The following HOOK3 variants were observed in gnomAD, a reference collection of about 807,000 sequenced individuals.
HOOK3 encodes the protein hook microtubule tethering protein 3, also known as protein Hook homolog 3.
A neutral mutation model predicts 116.3 loss-of-function variants in HOOK3; 24 were observed. The ratio of observed to expected loss-of-function variants is 0.21; its 90% CI spans 0.15 to 0.29. The LOEUF (loss-of-function observed/expected upper bound fraction) is 0.29, where lower values mean the gene tolerates loss of function less well. Ranked by LOEUF, HOOK3 falls within the 10% of genes least tolerant of loss-of-function variation. HOOK3 has a pLI of 1.00. For missense variants in HOOK3, 632 were observed against 830.2 expected (o/e 0.76, Z 2.93); for synonymous variants, 275 against 283.0 (o/e 0.97, Z 0.28).
chr8:42,976,988 T>A (rs6996034), intron 13 of HOOK3, among the ~76,000 whole-genome samples: 19,733 of 152,202 alleles, frequency 0.13, 1,758 homozygotes, highest in African/African-American at 0.25. Context: ...TCTGGGGACA[T>A]GGCTCAGAAA....
chr8:42,905,325 T>TTGGGGGG (rs746035645), intron 1 of HOOK3, among the ~76,000 whole-genome samples: 1 of 99,112 alleles, frequency 1.0e-5, no homozygotes, highest in African/African-American at 4.7e-5. Flanking sequence ...TTTCTTTTTT[T>TTGGGGGG]GGGGGGGGGG....
At chr8:42,904,421 T>C (rs1807261519) in intron 1 of HOOK3, among the ~76,000 whole-genome samples, 1 of 151,402 alleles carries the variant, frequency 6.6e-6, no homozygotes, top group Non-Finnish European at 1.5e-5. Flanking sequence ...GCGATTCTCC[T>C]GCATCAGCCT....
rs139036703 is a variant in HOOK3, at chr8:43,030,483, T to C, written c.*11985T>C. Reference sequence around the variant, plus strand: ...TCAAGTACAAAAATGTTTTCAAGGCTGCAAAAAGTGTACAGTTGTTAAACA... The same window carrying C: ...TCAAGTACAAAAATGTTTTCAAGGCCGCAAAAAGTGTACAGTTGTTAAACA... On this transcript the variant is annotated 3_prime_UTR_variant, in exon 22 of 22. Transcript: ENST00000307602. 6.9e-4 allele frequency: 122 copies of C among 175,728 alleles called. No individual in the cohort carries two copies. Among genetic ancestry groups the C allele is most frequent in the African/African-American group, 2.5e-3 (104 of 42,334 alleles). The allele number at this position is 175,728 out of a possible 1,614,324, so 10.9% of individuals were successfully genotyped here.
chr8:42,954,212 C>T (rs190282982), intron 6 of HOOK3, among the ~76,000 whole-genome samples: 131 of 152,260 alleles, frequency 8.6e-4, no homozygotes, highest in Non-Finnish European at 1.6e-3. Context: ...AACAAATAAA[C>T]TTGCTTAATG....
chr8:43,026,698 C>T lies in HOOK3; in HGVS notation c.*8200C>T, dbSNP rs1029908019. The T allele has an allele frequency of 1.8e-5, 4 of 222,290 alleles. No individual in the cohort carries two copies. Among genetic ancestry groups the T allele is most frequent in the Non-Finnish European group, 2.7e-5 (3 of 111,130 alleles). The allele number at this position is 222,290 out of a possible 1,614,324, so 13.8% of individuals were successfully genotyped here. On this transcript the variant is annotated 3_prime_UTR_variant, in exon 22 of 22. Transcript: ENST00000307602. ...CAGATTGCCCCTAACTTCAGCAGTGCCTCCGTCACTGCATGTACCTAAAAG... is the reference window on the plus strand; with the variant it reads ...CAGATTGCCCCTAACTTCAGCAGTGTCTCCGTCACTGCATGTACCTAAAAG...
intron 9 of HOOK3, among the ~76,000 whole-genome samples, chr8:42,964,827 A>G (rs1808602212): frequency 1.4e-5 from 2 of 144,204 alleles, no homozygotes; most frequent in Admixed American, 6.9e-5. Context: ...ACTTTGTCTC[A>G]AAAAAAAAAA....
intron 13 of HOOK3, among the ~76,000 whole-genome samples, chr8:42,980,008 G>A (rs577007360): frequency 5.6e-5 from 8 of 144,014 alleles, no homozygotes; most frequent in African/African-American, 1.5e-4. Context: ...TTTTTGCCCA[G>A]GCTGGAGCGC....
chr8:42,948,509 CT>C (rs1217258701), intron 5 of HOOK3, among the ~76,000 whole-genome samples: 1 of 152,154 alleles, frequency 6.6e-6, no homozygotes, highest in African/African-American at 2.4e-5. Flanking sequence ...AACGCTTCCC[CT>C]CTCACACCTA....
At chr8:42,906,340 T>TA (rs1807310702) in intron 2 of HOOK3, 82 bp downstream of exon 2, 3 of 971,086 alleles carry the variant, frequency 3.1e-6, no homozygotes, top group Non-Finnish European at 4.9e-6. Flanking sequence ...AAAAAGTACT[T>TA]ACATGAAACG....
chr8:42,909,427 T>C (rs1192200599), intron 2 of HOOK3, among the ~76,000 whole-genome samples: 1 of 152,232 alleles, frequency 6.6e-6, no homozygotes, highest in Non-Finnish European at 1.5e-5. Flanking sequence ...ATGAGAAAGA[T>C]GTGGTGTATA....
intron 2 of HOOK3, among the ~76,000 whole-genome samples, chr8:42,919,227 G>GAT: frequency 6.6e-6 from 1 of 150,786 alleles, no homozygotes; most frequent in East Asian, 2.0e-4. Context: ...CTTCACAGAC[G>GAT]GGGCGGCTTC....
intron 1 of HOOK3, among the ~76,000 whole-genome samples, chr8:42,899,171 T>C (rs1272705426): frequency 6.6e-6 from 1 of 152,222 alleles, no homozygotes; most frequent in East Asian, 1.9e-4. Flanking sequence ...GATAAAAATA[T>C]ACAGGAGAAA....
intron 2 of HOOK3, among the ~76,000 whole-genome samples, chr8:42,910,115 G>A (rs1807393748): frequency 6.6e-6 from 1 of 152,080 alleles, no homozygotes. Context: ...TTGAGGCAAT[G>A]GATACTAATT....
At chr8:42,951,708 C>T (rs941063563) in intron 6 of HOOK3, among the ~76,000 whole-genome samples, 15 of 151,906 alleles carry the variant, frequency 9.9e-5, no homozygotes, top group African/African-American at 3.6e-4. Context: ...TTTGGGAGGC[C>T]GAGGCAGGCG....
rs1809459279 is a variant in HOOK3 at position 43,005,214 on chromosome 8, A to AATT, written c.1656-2633_1656-2632insATT. Among the ~76,000 whole-genome samples, 240 of 63,204 alleles carry AATT rather than the reference A, an allele frequency of 3.8e-3. 6 individuals carry two copies. Among genetic ancestry groups the AATT allele is most frequent in the African/African-American group, 0.015 (225 of 15,134 alleles). The allele number at this position is 63,204 out of a possible 152,430, so 41.5% of individuals were successfully genotyped here. A position where few individuals can be genotyped will look rare whatever the true frequency, so the allele number is the denominator to read the frequency against. On this transcript the variant is annotated intron_variant, in intron 17 of 21. Transcript: ENST00000307602. ...CTCTCTCTCTCTATATATATATATA[A>AATT]TTTTTTTTTTTTTTTTTTTTTTTTG...
At chr8:42,923,832 C>G (rs1563292060) in intron 2 of HOOK3, among the ~76,000 whole-genome samples, 1 of 152,022 alleles carries the variant, frequency 6.6e-6, no homozygotes, top group Non-Finnish European at 1.5e-5. Context: ...AAAGCTGTTT[C>G]TAAAAGTAAA....
chr8:42,924,008 C>T (rs1202394738), intron 2 of HOOK3, among the ~76,000 whole-genome samples: 1 of 151,934 alleles, frequency 6.6e-6, no homozygotes, highest in African/African-American at 2.4e-5. Flanking sequence ...TATCATGTTG[C>T]TTCATTTTAA....
intron 6 of HOOK3, among the ~76,000 whole-genome samples, chr8:42,955,335 T>A (rs1323451884): frequency 6.6e-6 from 1 of 152,216 alleles, no homozygotes; most frequent in East Asian, 1.9e-4. Context: ...TGTTGGTATA[T>A]GCCTGAGTCC....
At position 42,940,519 on chromosome 8, in the gene HOOK3, CAGGGAG is replaced by C. The variant is rs1204722649; in HGVS notation, c.268-2779_268-2774del. 5.2e-3 allele frequency among the ~76,000 whole-genome samples: 751 copies of C among 144,142 alleles called. 9 individuals carry two copies. The highest frequency in any genetic ancestry group is 0.018 in the African/African-American group (658 of 36,170). The allele number at this position is 144,142 out of a possible 152,430, so 94.6% of individuals were successfully genotyped here. ...GTGGGGACAGGGACAGGGACAGGGA[CAGGGAG>C]AGGGAGAGGGAGAGCGAAAATGCTT... On this transcript the variant is annotated intron_variant, in intron 4 of 21. Coordinates refer to ENST00000307602, the MANE Select transcript of HOOK3 (RefSeq NM_032410.4).
Sources: gnomAD v4.1 joint callset for allele counts (sites outside exome capture counted in the v4.1 genomes callset) on GRCh38, gnomAD v4.1.1 for gene constraint, MANE v1.5 for transcripts, NCBI Gene and HGNC (gene_info 2026-07-23, HGNC 2026-07-21) for gene names.